The following FHIT variants were observed in gnomAD, a reference collection of about 807,000 sequenced individuals.
The protein encoded by FHIT is fragile histidine triad diadenosine triphosphatase.
FHIT carries 19 observed loss-of-function variants against 17.9 expected under a neutral mutation model. The ratio of observed to expected loss-of-function variants is 1.06; its 90% CI spans 0.74 to 1.56. The LOEUF (loss-of-function observed/expected upper bound fraction) is 1.56, where lower values mean the gene tolerates loss of function less well. Among genes scored for constraint, FHIT ranks in the 40% most tolerant of loss-of-function variants. The pLI is 0.00. For missense variants in FHIT, 248 were observed against 189.2 expected, an observed-to-expected ratio of 1.31 and a Z score of -1.82; for synonymous variants, 81 against 69.7, an observed-to-expected ratio of 1.16 and a Z score of -0.81.
At chr3:60,178,866 G>T (rs757578877) in intron 5 of FHIT, among the ~76,000 whole-genome samples, 9 of 152,118 alleles carry the variant, frequency 5.9e-5, no homozygotes, top group Non-Finnish European at 8.8e-5. Flanking sequence ...CTGCAGTAAA[G>T]AAATCTGATA....
intron 4 of FHIT, among the ~76,000 whole-genome samples, chr3:60,627,293 CTTTT>C (rs1337864163): frequency 2.6e-5 from 4 of 152,108 alleles, no homozygotes; most frequent in Admixed American, 2.6e-4. Context: ...TGAACTTGGA[CTTTT>C]ATTTGTGGGT....
intron 7 of FHIT, among the ~76,000 whole-genome samples, chr3:59,986,580 C>T (rs796860447): frequency 0.15 from 8,912 of 60,536 alleles, 2,048 homozygotes; most frequent in African/African-American, 0.25. Flanking sequence ...TATATACACA[C>T]ACACACACAC....
At position 60,418,633 on chromosome 3, in the gene FHIT, C is replaced by A. The variant is rs375041889; in HGVS notation, c.103+118227G>T. The stretch of plus-strand genomic sequence containing the variant: ...TTAAATCCTTCTTCATTCTTATTTG[C>A]TTAGTCTAGCAAAGTAATGAGAAAA... On this transcript the variant is annotated intron_variant, in intron 5 of 9. Coordinates refer to ENST00000492590, the MANE Select transcript of FHIT (RefSeq NM_002012.4). Among the ~76,000 whole-genome samples, 52 of 123,426 alleles carry A rather than the reference C, an allele frequency of 4.2e-4. No individual in the cohort carries two copies. The East Asian group carries it at 5.1e-3, about 12-fold the overall frequency. The allele number at this position is 123,426 out of a possible 152,430, so 81.0% of individuals were successfully genotyped here. A position where few individuals can be genotyped will look rare whatever the true frequency, so the allele number is the denominator to read the frequency against.
chr3:60,368,522 T>C (rs6777599), intron 5 of FHIT, among the ~76,000 whole-genome samples: 1 of 151,776 alleles, frequency 6.6e-6, no homozygotes, highest in Non-Finnish European at 1.5e-5. Flanking sequence ...ATGAAGCATT[T>C]TAGAAATATA....
At chr3:60,848,698 T>C (rs1203057168) in intron 3 of FHIT, among the ~76,000 whole-genome samples, 1 of 152,212 alleles carries the variant, frequency 6.6e-6, no homozygotes, top group Non-Finnish European at 1.5e-5. Context: ...CACCATATTG[T>C]TATAAAGATG....
intron 8 of FHIT, among the ~76,000 whole-genome samples, chr3:59,899,728 C>A (rs1485318995): frequency 6.6e-6 from 1 of 152,086 alleles, no homozygotes; most frequent in African/African-American, 2.4e-5. Flanking sequence ...CGCCTGTAGT[C>A]CCAGCTACTC....
At chr3:60,225,168 G>A (rs1384346354) in intron 5 of FHIT, among the ~76,000 whole-genome samples, 1 of 152,106 alleles carries the variant, frequency 6.6e-6, no homozygotes, top group Non-Finnish European at 1.5e-5. Context: ...AACTTTAATA[G>A]TTCACAGACC....
At chr3:60,370,976 C>T (rs73090036) in intron 5 of FHIT, among the ~76,000 whole-genome samples, 7 of 152,346 alleles carry the variant, frequency 4.6e-5, no homozygotes, top group Non-Finnish European at 1.0e-4. Context: ...TGCCCAGCTA[C>T]ACCAAACCAG....
chr3:60,835,325 T>C (rs1702498260), intron 3 of FHIT, among the ~76,000 whole-genome samples: 3 of 152,206 alleles, frequency 2.0e-5, no homozygotes, highest in Admixed American at 2.0e-4. Context: ...AGTATCGGTA[T>C]CTTTACTACG....
intron 7 of FHIT, among the ~76,000 whole-genome samples, chr3:59,967,802 A>G (rs1240284756): frequency 2.0e-5 from 3 of 152,102 alleles, no homozygotes; most frequent in Non-Finnish European, 4.4e-5. Context: ...TGGAGAAGAA[A>G]AGATTAGATG....
At chr3:59,834,183 C>T (rs1470097986) in intron 8 of FHIT, among the ~76,000 whole-genome samples, 1 of 152,176 alleles carries the variant, frequency 6.6e-6, no homozygotes, top group African/African-American at 2.4e-5. Flanking sequence ...GACCTGAATT[C>T]AAGTCCTAGT....
chr3:60,288,909 AT>A (rs1294728172), intron 5 of FHIT, among the ~76,000 whole-genome samples: 2 of 152,204 alleles, frequency 1.3e-5, no homozygotes, highest in Non-Finnish European at 2.9e-5. Flanking sequence ...ATTAGACAGT[AT>A]CTGTGATTTC....
intron 7 of FHIT, among the ~76,000 whole-genome samples, chr3:59,944,296 G>C (rs1420831573): frequency 6.6e-6 from 1 of 152,108 alleles, no homozygotes; most frequent in East Asian, 1.9e-4. Flanking sequence ...ATCTCATGTG[G>C]AGATTGGTAT....
intron 5 of FHIT, among the ~76,000 whole-genome samples, chr3:60,517,850 G>C (rs2035218669): frequency 6.6e-6 from 1 of 152,142 alleles, no homozygotes; most frequent in African/African-American, 2.4e-5. Flanking sequence ...GTTAGAATGT[G>C]AAAACACCGC....
At chr3:61,079,811 C>T (rs1276531553) in intron 2 of FHIT, among the ~76,000 whole-genome samples, 1 of 152,160 alleles carries the variant, frequency 6.6e-6, no homozygotes, top group South Asian at 2.1e-4. Context: ...CATTCACTTG[C>T]CCTTCAGGTA....
chr3:60,318,724 T>A (rs1709282074), intron 5 of FHIT, among the ~76,000 whole-genome samples: 1 of 152,206 alleles, frequency 6.6e-6, no homozygotes, highest in Non-Finnish European at 1.5e-5. Flanking sequence ...TCTGCATTCA[T>A]TTTTGATTGC....
chr3:61,040,508 G>T (rs1182005691), intron 3 of FHIT, among the ~76,000 whole-genome samples: 1 of 152,166 alleles, frequency 6.6e-6, no homozygotes, highest in Non-Finnish European at 1.5e-5. Context: ...TTGTTAAATA[G>T]CACATCAATC....
chr3:61,103,136 T>C (rs1368577781), intron 2 of FHIT, among the ~76,000 whole-genome samples: 1 of 151,772 alleles, frequency 6.6e-6, no homozygotes, highest in East Asian at 1.9e-4. Context: ...GTTCTTTTAA[T>C]TGTGATGTTA....
intron 5 of FHIT, among the ~76,000 whole-genome samples, chr3:60,079,451 G>T (rs1056180842): frequency 1.9e-4 from 29 of 151,998 alleles, no homozygotes; most frequent in African/African-American, 6.8e-4. Context: ...TCTCAGAACA[G>T]TTAAAAATAG....
Sources: allele counts gnomAD v4.1 joint callset (sites outside exome capture counted in the v4.1 genomes callset), GRCh38; gene constraint gnomAD v4.1.1; transcripts MANE v1.5; gene names NCBI Gene and HGNC (gene_info 2026-07-23, HGNC 2026-07-21).